Variants in HSPD1 observed in about 807,000 individuals in gnomAD.
HSPD1 encodes 60 kDa heat shock protein, mitochondrial.
HSPD1 carries 3 observed loss-of-function variants against 53.0 expected under a neutral mutation model. The ratio of observed to expected loss-of-function variants is 0.06; its 90% CI spans 0.03 to 0.15. The LOEUF is 0.15. Ranked by LOEUF, HSPD1 falls within the 10% of genes least tolerant of loss-of-function variation. HSPD1 has a pLI of 1.00. For missense variants in HSPD1, 431 were observed against 694.1 expected, an observed-to-expected ratio of 0.62 and a Z score of 4.26; for synonymous variants, 200 against 228.0, an observed-to-expected ratio of 0.88 and a Z score of 1.10.
At chr2:197,497,585 T>C (rs2086174488) in intron 2 of HSPD1, 193 bp from the exon 3 acceptor site, 1 of 619,674 alleles carries the variant, frequency 1.6e-6, no homozygotes, top group Non-Finnish European at 2.9e-6. Context: ...ATGACCTGAT[T>C]CTCTGCCAAG....
chr2:197,488,938 T>C, intron 9 of HSPD1, 64 bp downstream of exon 9: 3 of 1,562,084 alleles, frequency 1.9e-6, no homozygotes, highest in Non-Finnish European at 2.6e-6. Context: ...TGGGGAATAC[T>C]ACAGAAGCAA....
chr2:197,497,007 A>G, intron 3 of HSPD1, 133 bp downstream of exon 3: 1 of 914,890 alleles, frequency 1.1e-6, no homozygotes, highest in East Asian at 2.5e-5. Context: ...CCAGTTTAAG[A>G]TTTCTCCAGG....
chr2:197,488,195 G>C, intron 10 of HSPD1, 122 bp downstream of exon 10: 2 of 1,004,464 alleles, frequency 2.0e-6, no homozygotes, highest in Non-Finnish European at 3.1e-6. Context: ...TCTGACATTA[G>C]CACTATTCTA....
In HSPD1 at chr2:197,488,309, C is replaced by G; in HGVS notation, c.1390+8G>C. On this transcript the variant is annotated splice_region_variant and intron_variant, in intron 10 of 11. Coordinates refer to ENST00000388968, the MANE Select transcript of HSPD1 (RefSeq NM_002156.5). ...GGCCACAAACTCATTTAAAAGGTAACTTTTTACCAATTTTTTGATCTTCAT... is the reference window on the plus strand; with the variant it reads ...GGCCACAAACTCATTTAAAAGGTAAGTTTTTACCAATTTTTTGATCTTCAT... The G allele has an allele frequency of 6.2e-7, 1 of 1,613,492 alleles. No homozygotes were observed. The highest frequency in any genetic ancestry group is 8.5e-7 in the Non-Finnish European group (1 of 1,179,536).
chr2:197,488,105 G>A (rs1418600285), intron 10 of HSPD1, 69 bp from the exon 11 acceptor site: 15 of 1,212,350 alleles, frequency 1.2e-5, no homozygotes, highest in Non-Finnish European at 1.5e-5. Context: ...TATAAGTTGT[G>A]AGGATATTGA....
chr2:197,488,491 C>G lies in HSPD1; in HGVS notation c.1216G>C (p.Val406Leu). ...ACTTCAACATCACTTGTCCCACCAACCTAAAGACGAAAAGAATTCCAGTTA... is the reference window on the plus strand; with the variant it reads ...ACTTCAACATCACTTGTCCCACCAAGCTAAAGACGAAAAGAATTCCAGTTA... ...KLSDGVAVLK[V>L]GGTSDVEVNE... The change falls in exon 10 of 12, where the codon GTT (valine) becomes CTT (leucine). Residue 406 changes from valine (V) to leucine (L), a missense_variant and splice_region_variant. Val to Leu is a conservative substitution (Grantham distance 32). This residue lies in a region of HSPD1 where 386 missense variants were observed against 657.6 expected (regional missense o/e 0.59). Transcript: ENST00000388968. 6.2e-7 allele frequency: 1 copy of G among 1,613,478 alleles called. No individual in the cohort carries two copies. The highest frequency in any genetic ancestry group is 8.5e-7 in the Non-Finnish European group (1 of 1,179,410).
intron 1 of HSPD1, 28 bp from the exon 2 acceptor site, chr2:197,498,878 GAACTACCACCCGT>G: frequency 6.2e-7 from 1 of 1,606,674 alleles, no homozygotes; most frequent in Non-Finnish European, 8.5e-7. Context: ...AAGATCATCA[GAACTACCACCCGT>G]GGTGCGCTGC....
upstream of HSPD1, chr2:197,500,251 G>A (rs933646010): frequency 4.5e-5 from 33 of 728,728 alleles, no homozygotes; most frequent in Non-Finnish European, 7.0e-5. Flanking sequence ...GGCCCTTGGG[G>A]CGAATCGCGG....
chr2:197,497,113 C>T (rs779971225), intron 3 of HSPD1, 27 bp downstream of exon 3: 1 of 1,611,848 alleles, frequency 6.2e-7, no homozygotes, highest in South Asian at 1.1e-5. Context: ...AAGTTTAGAA[C>T]ACTGTGGTGA....
rs183498794 is a variant in HSPD1 at position 197,489,872 on chromosome 2, C to A, written c.969+325G>T. ...ACCCTGTCTCAAAAAAAAAAAGAAA[C>A]CCCACAGATTTAAGTCAATAAGAAT... is the stretch of plus-strand genomic sequence containing the variant. On this transcript the variant is annotated intron_variant, in intron 8 of 11. Transcript: ENST00000388968. Among the ~76,000 whole-genome samples the A allele has an allele frequency of 1.5e-3, 226 of 150,778 alleles. 5 individuals carry two copies. The highest frequency in any genetic ancestry group is 0.014 in the Admixed American group (210 of 15,122).
intron 3 of HSPD1, among the ~76,000 whole-genome samples, chr2:197,496,073 T>C (rs2086153681): frequency 6.6e-6 from 1 of 152,192 alleles, no homozygotes; most frequent in Non-Finnish European, 1.5e-5. Flanking sequence ...CAACAAGAAG[T>C]ACAGTTCTTA....
At chr2:197,497,579 C>T in intron 2 of HSPD1, 187 bp from the exon 3 acceptor site, 1 of 626,924 alleles carries the variant, frequency 1.6e-6, no homozygotes, top group Non-Finnish European at 2.8e-6. Flanking sequence ...GACAAAATGA[C>T]CTGATTCTCT....
chr2:197,500,110 G>C, upstream of HSPD1: 1 of 441,610 alleles, frequency 2.3e-6, no homozygotes, highest in East Asian at 4.0e-5. Context: ...TACGGCTCAA[G>C]GGTCAAATCG....
chr2:197,498,912 T>A, intron 1 of HSPD1, 62 bp from the exon 2 acceptor site: 1 of 1,421,812 alleles, frequency 7.0e-7, no homozygotes, highest in Non-Finnish European at 9.9e-7. Context: ...AGAACAAACA[T>A]GCCCACCTGT....
In HSPD1 at chr2:197,489,019, C is replaced by T; in HGVS notation, c.1198G>A (p.Gly400Arg). Residue 400 changes from glycine to arginine, a missense_variant, in exon 9 of 12, where the codon GGA (glycine) becomes AGA (arginine). Physicochemically the swap from Gly to Arg is moderately radical, Grantham distance 125. Transcript: ENST00000388968. ...LNERLAKLSD[G>R]VAVLKVGGTS... ...AATGTTACCTTCAGCACAGCCACTC[C>T]ATCTGAAAGTTTTGCAAGCCGTTCA... 6.2e-7 allele frequency: 1 copy of T among 1,613,990 alleles called. No individual in the cohort carries two copies.
At chr2:197,494,466 GGC>G (rs2086132391) in intron 5 of HSPD1, 189 bp downstream of exon 5, 1 of 630,882 alleles carries the variant, frequency 1.6e-6, no homozygotes, top group Non-Finnish European at 2.8e-6. Context: ...ATGCAGCAAA[GGC>G]TAATTCACAT....
At chr2:197,496,744 C>A in intron 3 of HSPD1, 1 of 248,394 alleles carries the variant, frequency 4.0e-6, no homozygotes, top group Non-Finnish European at 8.0e-6. Flanking sequence ...CTGAATGATC[C>A]AGTGTATTTA....
intron 3 of HSPD1, among the ~76,000 whole-genome samples, 181 bp from the exon 4 acceptor site, chr2:197,495,557 G>A: frequency 6.6e-6 from 1 of 151,920 alleles, no homozygotes; most frequent in Non-Finnish European, 1.5e-5. Flanking sequence ...ACAGATCATG[G>A]CTCACTGCAG....
rs2086052032 is a variant in HSPD1 at position 197,488,366 on chromosome 2, G to A, written c.1341C>T (p.Cys447=). The change falls in exon 10 of 12, where the codon TGC becomes TGT. Residue 447 remains cysteine, a synonymous_variant. Transcript: ENST00000388968. ...GAGTCAATGAGTCCAAGGCTGGAAT[G>A]CATCGAAGGAGGGCACAACCCCCTC... is the stretch of plus-strand genomic sequence containing the variant. The part of the protein sequence containing the change: ...VLGGGCALLR[C]IPALDSLTPA... 1.9e-6 allele frequency: 3 copies of A among 1,613,950 alleles called. No individual in the cohort carries two copies. Among genetic ancestry groups the A allele is most frequent in the Non-Finnish European group, 2.5e-6 (3 of 1,179,842 alleles).
Sources: gnomAD v4.1 joint callset for allele counts (sites outside exome capture counted in the v4.1 genomes callset) on GRCh38, gnomAD v4.1.1 for gene constraint, gnomAD v4.1.1 regional missense constraint, MANE v1.5 for transcripts, NCBI Gene and HGNC (gene_info 2026-07-23, HGNC 2026-07-21) for gene names.